Variants in TAF2 observed in about 807,000 individuals in gnomAD.
The protein encoded by TAF2 is TATA-box binding protein associated factor 2, also known as transcription initiation factor TFIID subunit 2.
Under a neutral mutation model 138.5 loss-of-function variants are expected in TAF2, and 61 were observed. The observed-to-expected ratio is 0.44, with a 90% CI of 0.36 to 0.54. TAF2 has a LOEUF of 0.54. TAF2 is among the 20% of genes least tolerant of loss of function. The pLI is 0.00. For synonymous variants in TAF2, 475 were observed against 469.9 expected, an observed-to-expected ratio of 1.01 and a Z score of -0.14; for missense variants, 1,090 against 1,427.9, an observed-to-expected ratio of 0.76 and a Z score of 3.81.
chr8:119,764,756 C>CA (rs900854564), intron 18 of TAF2, among the ~76,000 whole-genome samples: 3 of 151,318 alleles, frequency 2.0e-5, no homozygotes, highest in Non-Finnish European at 4.4e-5. Flanking sequence ...AAATACTCCA[C>CA]AAAAAAAAGA....
At chr8:119,760,868 T>C (rs1367857455) in intron 19 of TAF2, 130 bp from the exon 20 acceptor site, 3 of 1,221,694 alleles carry the variant, frequency 2.5e-6, no homozygotes, top group African/African-American at 1.5e-5. Context: ...ACCTTCAATT[T>C]TGTAATAGAG....
In TAF2 at chr8:119,732,115, C is replaced by G. The variant is rs1377815378; in HGVS notation, c.3409G>C (p.Glu1137Gln). The change falls in exon 26 of 26, where the codon GAA becomes CAA. Residue 1137 changes from glutamate (E) to glutamine (Q), a missense_variant. Glu to Gln is a conservative substitution (Grantham distance 29). Transcript: ENST00000378164. ...TCACTGTGTTTGGAGGCTGTAGATT[C>G]CTTAGTAAAGACTGAGAGTGGAGCG... ...ASAPLSVFTKESTASKHSDHH... is the reference protein window; with the variant it reads ...ASAPLSVFTKQSTASKHSDHH... 1.3e-5 allele frequency: 21 copies of G among 1,614,096 alleles called. No individual in the cohort carries two copies. The highest frequency in any genetic ancestry group is 1.7e-5 in the Non-Finnish European group (20 of 1,180,002).
At chr8:119,774,049 T>C (rs1822038268) in intron 18 of TAF2, among the ~76,000 whole-genome samples, 1 of 151,386 alleles carries the variant, frequency 6.6e-6, no homozygotes, top group South Asian at 2.1e-4. Flanking sequence ...CGGGTGCCTG[T>C]AATCCCAGCT....
chr8:119,789,524 C>T, intron 12 of TAF2, 68 bp downstream of exon 12: 1 of 1,583,646 alleles, frequency 6.3e-7, no homozygotes. Context: ...CTCTCTTCTT[C>T]CATCTTCCCC....
chr8:119,832,776 C>T lies in TAF2; in HGVS notation c.-212G>A. ...GAAGCCGCCGTCGACAAGCTTCTGT[C>T]ACAGAGATGCTCCTCTCCGCAAGGG... On this transcript the variant is annotated 5_prime_UTR_variant, in exon 1 of 26. It removes the in-frame stop codon of an upstream open reading frame in the 5' UTR. Coordinates refer to ENST00000378164, the MANE Select transcript of TAF2 (RefSeq NM_003184.4). 2.0e-6 allele frequency: 1 copy of T among 509,574 alleles called. No individual in the cohort carries two copies. Among genetic ancestry groups the T allele is most frequent in the Non-Finnish European group, 3.5e-6 (1 of 286,676 alleles). The allele number at this position is 509,574 out of a possible 1,614,324, so 31.6% of individuals were successfully genotyped here. A position where few individuals can be genotyped will look rare whatever the true frequency, so the allele number is the denominator to read the frequency against.
chr8:119,783,523 C>G lies in TAF2; in HGVS notation c.1970G>C (p.Arg657Thr). ...GGATTCCTGCTGTGCAACAACATCT[C>G]TCTCATAGCGGAGCTGATACTGCCA... Reference protein sequence around the residue: ...FMWQYQLRYERDVVAQQESIL... With the variant: ...FMWQYQLRYETDVVAQQESIL... Residue 657 changes from arginine to threonine, a missense_variant, in exon 16 of 26, where the codon AGA (arginine) becomes ACA (threonine). Transcript: ENST00000378164. 1 of 1,614,162 alleles carries G rather than the reference C, an allele frequency of 6.2e-7. No homozygotes were observed. The highest frequency in any genetic ancestry group is 8.5e-7 in the Non-Finnish European group (1 of 1,180,028).
intron 22 of TAF2, among the ~76,000 whole-genome samples, chr8:119,750,130 C>A (rs911085347): frequency 1.3e-5 from 2 of 152,182 alleles, no homozygotes; most frequent in East Asian, 3.8e-4. Context: ...ATCACAAGGT[C>A]AGGAGATCGA....
chr8:119,762,853 T>A, intron 18 of TAF2: 2 of 333,596 alleles, frequency 6.0e-6, no homozygotes, highest in South Asian at 8.3e-5. Context: ...GAGGAAAGCA[T>A]AAAGAAACTG....
At chr8:119,745,158 C>T (rs1819870027) in intron 23 of TAF2, 1 of 362,414 alleles carries the variant, frequency 2.8e-6, no homozygotes, top group Non-Finnish European at 5.5e-6. Flanking sequence ...AAATTATCAG[C>T]AATGGGCTTA....
In TAF2 at chr8:119,742,587, C is replaced by T; in HGVS notation, c.3284G>A (p.Ser1095Asn). 1 of 1,613,880 alleles carries T rather than the reference C, an allele frequency of 6.2e-7. No individual in the cohort carries two copies. Among genetic ancestry groups the T allele is most frequent in the Non-Finnish European group, 8.5e-7 (1 of 1,179,936 alleles). Residue 1095 changes from serine (S) to asparagine (N), a missense_variant, in exon 25 of 26, where the codon AGC becomes AAC. Physicochemically the swap from Ser to Asn is conservative, Grantham distance 46. This residue lies in a region of TAF2 where 580 missense variants were observed against 719.6 expected (regional missense o/e 0.81). Transcript: ENST00000378164. Reference sequence around the variant, plus strand: ...CCACTGGGGTTTTGTGGTGGGTGTGCTGTCACAGCCTGCTGAGTGCTGGGG... The same window carrying T: ...CCACTGGGGTTTTGTGGTGGGTGTGTTGTCACAGCCTGCTGAGTGCTGGGG... ...LIPQHSAGCD[S>N]TPTTKPQWSL...
chr8:119,772,773 C>T (rs1269890665), intron 18 of TAF2, among the ~76,000 whole-genome samples: 1 of 151,764 alleles, frequency 6.6e-6, no homozygotes, highest in Non-Finnish European at 1.5e-5. Flanking sequence ...CCCGTCTCTA[C>T]TAAAAATACA....
In TAF2 at chr8:119,731,699, A is replaced by T; in HGVS notation, c.*225T>A. 1 of 561,942 alleles carries T rather than the reference A, an allele frequency of 1.8e-6. No homozygotes were observed. Among genetic ancestry groups the T allele is most frequent in the South Asian group, 2.1e-5 (1 of 48,450 alleles). 34.8% of individuals were successfully genotyped at this position (561,942 alleles called of 1,614,324 possible). On this transcript the variant is annotated 3_prime_UTR_variant, in exon 26 of 26. Coordinates refer to ENST00000378164, the MANE Select transcript of TAF2 (RefSeq NM_003184.4). ...TCTGTGTGTGTGTTTTGGGGAGGAAACAGCGGATGAAATAGTTTATCCAGA... is the reference window on the plus strand; with the variant it reads ...TCTGTGTGTGTGTTTTGGGGAGGAATCAGCGGATGAAATAGTTTATCCAGA...
Position 119,832,648 on chromosome 8 carries a change from T to G in TAF2, c.-84A>C, listed in dbSNP as rs561270738. 375 of 1,277,596 alleles carry G rather than the reference T, an allele frequency of 2.9e-4. No homozygotes were observed. The highest frequency in any genetic ancestry group is 1.9e-5 in the Non-Finnish European group (17 of 912,672). The allele number at this position is 1,277,596 out of a possible 1,614,324, so 79.1% of individuals were successfully genotyped here. ...GTCTTTGGCACCTCACACTCTCCAC[T>G]CCCCTGCGGTCCCCAAGTCACGTCT... On this transcript the variant is annotated 5_prime_UTR_variant, in exon 1 of 26. Transcript: ENST00000378164.
At chr8:119,819,892 G>GA (rs1016388480) in intron 2 of TAF2, among the ~76,000 whole-genome samples, 1 of 150,080 alleles carries the variant, frequency 6.7e-6, no homozygotes, top group African/African-American at 2.4e-5. Flanking sequence ...GAACATGGCA[G>GA]AAAAAAAAAG....
intron 18 of TAF2, among the ~76,000 whole-genome samples, chr8:119,766,115 T>C (rs1308033040): frequency 6.6e-6 from 1 of 152,182 alleles, no homozygotes; most frequent in Non-Finnish European, 1.5e-5. Flanking sequence ...CACAAATAGA[T>C]TCATTTTTAC....
chr8:119,768,667 T>C (rs1821615217), intron 18 of TAF2, among the ~76,000 whole-genome samples: 1 of 152,230 alleles, frequency 6.6e-6, no homozygotes. Flanking sequence ...AAATGTCTAT[T>C]AGGTCCATCG....
intron 21 of TAF2, among the ~76,000 whole-genome samples, 183 bp from the exon 22 acceptor site, chr8:119,756,298 A>G (rs1820698161): frequency 1.3e-5 from 2 of 152,092 alleles, no homozygotes; most frequent in Admixed American, 6.5e-5. Flanking sequence ...TATATCCTGA[A>G]TATTTATTAC....
At chr8:119,793,739 C>A (rs1303552856) in intron 9 of TAF2, among the ~76,000 whole-genome samples, 1 of 152,070 alleles carries the variant, frequency 6.6e-6, no homozygotes, top group African/African-American at 2.4e-5. Flanking sequence ...TGAGCTGTCT[C>A]CAAGTTTATT....
rs557439369 is a variant in TAF2, at chr8:119,824,302, C to T, written c.139-4796G>A. On this transcript the variant is annotated intron_variant, in intron 2 of 25. Coordinates refer to ENST00000378164, the MANE Select transcript of TAF2 (RefSeq NM_003184.4). ...AAAATTAGCCAGGCATGGTGGTGGG[C>T]GCCTGTAATCCCAGCTACTCAGGAG... Among the ~76,000 whole-genome samples, 18 of 151,736 alleles carry T rather than the reference C, an allele frequency of 1.2e-4. No individual in the cohort carries two copies. The East Asian group carries it at 1.4e-3, about 11-fold the overall frequency.
Sources: gnomAD v4.1 joint callset for allele counts (sites outside exome capture counted in the v4.1 genomes callset) on GRCh38, gnomAD v4.1.1 for gene constraint, gnomAD v4.1.1 regional missense constraint, MANE v1.5 for transcripts, NCBI Gene and HGNC (gene_info 2026-07-23, HGNC 2026-07-21) for gene names.